GARS1: variants seen among roughly 807,000 people sequenced by gnomAD.
The protein encoded by GARS1 is glycyl-tRNA synthetase 1.
In GARS1, 46 loss-of-function variants were observed where a neutral mutation model predicts 86.4. The ratio of observed to expected loss-of-function variants is 0.53; its 90% confidence interval spans 0.42 to 0.68. The LOEUF is 0.68. Among genes scored for constraint, GARS1 ranks in the 30% least tolerant of loss-of-function variants. The probability of loss-of-function intolerance (pLI) is 0.00; values close to 1 mark genes in which losing one functional copy is unlikely to be tolerated. For synonymous variants in GARS1, 342 were observed against 329.8 expected (o/e 1.04, Z -0.40); for missense variants, 797 against 915.6 (o/e 0.87, Z 1.67).
At position 30,603,408 on chromosome 7, in the gene GARS1, A is replaced by G; in HGVS notation, c.659-88A>G. On this transcript the variant is annotated intron_variant, in intron 5 of 16. Coordinates refer to ENST00000389266, the MANE Select transcript of GARS1 (RefSeq NM_002047.4). Reference sequence around the variant, plus strand: ...TGTAAATTAAGAACTTTATGCTTGGATTTACTTTTTAATTGTCTAGCATTG... The same window carrying G: ...TGTAAATTAAGAACTTTATGCTTGGGTTTACTTTTTAATTGTCTAGCATTG... The G allele has an allele frequency of 2.8e-6, 3 of 1,075,976 alleles. No individual in the cohort carries two copies. The South Asian group carries it at 3.9e-5, about 14-fold the overall frequency. The allele number at this position is 1,075,976 out of a possible 1,614,324, so 66.7% of individuals were successfully genotyped here. A position where few individuals can be genotyped will look rare whatever the true frequency, so the allele number is the denominator to read the frequency against.
At chr7:30,603,995 G>C (rs917784450) in intron 6 of GARS1, among the ~76,000 whole-genome samples, 1 of 152,082 alleles carries the variant, frequency 6.6e-6, no homozygotes, top group African/African-American at 2.4e-5. Context: ...AACCTCATGA[G>C]CAGGTCCTGA....
intron 2 of GARS1, among the ~76,000 whole-genome samples, chr7:30,599,534 C>T (rs921208393): frequency 6.6e-6 from 1 of 152,090 alleles, no homozygotes; most frequent in South Asian, 2.1e-4. Context: ...TCCCAAGTAG[C>T]TGGGATTACA....
chr7:30,607,884 A>G (rs2529442), intron 6 of GARS1, among the ~76,000 whole-genome samples: 15,462 of 152,190 alleles, frequency 0.1, 883 homozygotes, highest in South Asian at 0.2. Context: ...TAGAATATAA[A>G]CAAAGACATA....
chr7:30,623,385 AAT>A (rs1237013306), intron 12 of GARS1, among the ~76,000 whole-genome samples: 1 of 152,168 alleles, frequency 6.6e-6, no homozygotes, highest in African/African-American at 2.4e-5. Context: ...GAAATGGAAA[AAT>A]ATATGTGTAA....
upstream of GARS1, chr7:30,594,781 C>G (rs1011456833): frequency 1.7e-5 from 12 of 710,102 alleles, no homozygotes; most frequent in East Asian, 5.7e-5. Context: ...CGGCGGCGAC[C>G]CGGCGCCGCG....
chr7:30,621,289 TATC>T lies in GARS1; in HGVS notation c.1360-101_1360-99del, dbSNP rs530481832. 5.3e-4 allele frequency: 493 copies of T among 925,438 alleles called. 2 individuals are homozygous for T. In the African/African-American group the frequency reaches 7.1e-3, roughly 13 times the overall value. 57.3% of individuals were successfully genotyped at this position (925,438 alleles called of 1,614,324 possible). On this transcript the variant is annotated intron_variant, in intron 10 of 16. Transcript: ENST00000389266. ...TTGAATGAAGATTATATCATCGAAT[TATC>T]ATTGAATATATGAAAGGTTTATAAT...
chr7:30,628,123 AC>A (rs1783162563), intron 13 of GARS1, among the ~76,000 whole-genome samples: 2 of 152,114 alleles, frequency 1.3e-5, no homozygotes, highest in African/African-American at 4.8e-5. Flanking sequence ...GTTCTGATAT[AC>A]AGAGATAAAA....
chr7:30,628,188 C>CTTTTT (rs750509307), intron 13 of GARS1, among the ~76,000 whole-genome samples: 1 of 143,624 alleles, frequency 7.0e-6, no homozygotes. Flanking sequence ...CTTTTCTTTT[C>CTTTTT]TTTTTTTTTT....
intron 14 of GARS1, among the ~76,000 whole-genome samples, chr7:30,629,156 C>G (rs1783188318): frequency 6.6e-6 from 1 of 152,144 alleles, no homozygotes; most frequent in Non-Finnish European, 1.5e-5. Flanking sequence ...GATGCTGATT[C>G]ACTAGGTCTG....
In GARS1 at chr7:30,632,229, T is replaced by A. The variant is rs41275991; in HGVS notation, c.1904-18T>A. The A allele has an allele frequency of 1.2e-6, 2 of 1,612,988 alleles. No homozygotes were observed. The highest frequency in any genetic ancestry group is 2.7e-5 in the African/African-American group (2 of 74,908). On this transcript the variant is annotated intron_variant, in intron 15 of 16. Transcript: ENST00000389266. The surrounding 1 kb of genome is among the most constrained non-coding windows in gnomAD (Gnocchi z 4.1). ...CTCCATTGTTTTATTTTTAATTTAC[T>A]TTGTTTATTTTGGATAGCGGAAGCC... is the stretch of plus-strand genomic sequence containing the variant.
chr7:30,625,500 A>G (rs963514551), intron 12 of GARS1, among the ~76,000 whole-genome samples: 2 of 152,200 alleles, frequency 1.3e-5, no homozygotes, highest in Non-Finnish European at 2.9e-5. Flanking sequence ...AGGGCTCTCT[A>G]TCCTAGCACT....
At chr7:30,628,903 ATTC>A (rs1461083169) in intron 14 of GARS1, among the ~76,000 whole-genome samples, 6 of 152,322 alleles carry the variant, frequency 3.9e-5, no homozygotes, top group Admixed American at 1.3e-4. Context: ...GGTGCTCTCT[ATTC>A]TTAGACTGAA....
intron 8 of GARS1, among the ~76,000 whole-genome samples, chr7:30,613,733 G>T (rs546752372): frequency 2.0e-5 from 3 of 152,290 alleles, no homozygotes; most frequent in East Asian, 3.9e-4. Context: ...GGCTAGTTTT[G>T]TTATGTCCCT....
chr7:30,621,656 T>C, intron 11 of GARS1, 156 bp downstream of exon 11: 1 of 697,858 alleles, frequency 1.4e-6, no homozygotes, highest in Non-Finnish European at 2.6e-6. Flanking sequence ...TATCCCTTTG[T>C]TCCTTTCCTA....
At chr7:30,609,817 A>G in intron 7 of GARS1, 87 bp downstream of exon 7, 1 of 1,248,488 alleles carries the variant, frequency 8.0e-7, no homozygotes, top group Non-Finnish European at 1.1e-6. Flanking sequence ...GTTATGAAGG[A>G]AAAATTTTTA....
chr7:30,631,635 T>C (rs1344312258), intron 15 of GARS1, 94 bp downstream of exon 15: 6 of 826,910 alleles, frequency 7.3e-6, no homozygotes, highest in African/African-American at 1.7e-5. Flanking sequence ...AAATATAGAC[T>C]GAATAAAGAA....
chr7:30,620,023 C>T (rs1211981530), intron 10 of GARS1, among the ~76,000 whole-genome samples: 1 of 151,852 alleles, frequency 6.6e-6, no homozygotes, highest in African/African-American at 2.4e-5. Context: ...GTGATCCACC[C>T]GCCTTAGCCT....
intron 10 of GARS1, among the ~76,000 whole-genome samples, chr7:30,619,482 C>T (rs936345586): frequency 6.6e-6 from 1 of 152,122 alleles, no homozygotes; most frequent in Non-Finnish European, 1.5e-5. Context: ...TTGTTATTCT[C>T]AGGCACGTTT....
Position 30,612,474 on chromosome 7 carries a change from C to T in GARS1, c.1031+229C>T, listed in dbSNP as rs10229836. ...GAAGGGAAAGGAAGGAGGGTGGAGA[C>T]TGTCTTAAGAGTCTCACCTGCTCCA... On this transcript the variant is annotated intron_variant, in intron 8 of 16. Transcript: ENST00000389266. Among the ~76,000 whole-genome samples the T allele has an allele frequency of 0.05, 7,613 of 152,082 alleles. 238 individuals carry two copies. The highest frequency in any genetic ancestry group is 0.072 in the Non-Finnish European group (4,895 of 67,984).
Sources: allele counts gnomAD v4.1 joint callset (sites outside exome capture counted in the v4.1 genomes callset), GRCh38; gene constraint gnomAD v4.1.1; non-coding constraint Gnocchi (gnomAD v3.1); transcripts MANE v1.5; gene names NCBI Gene and HGNC (gene_info 2026-07-23, HGNC 2026-07-21).